Variants in COL25A1 observed in about 807,000 individuals in gnomAD.
COL25A1 encodes collagen type XXV alpha 1 chain.
A neutral mutation model predicts 128.4 loss-of-function variants in COL25A1; 103 were observed. The ratio of observed to expected loss-of-function variants is 0.80; its 90% confidence interval spans 0.68 to 0.94. The LOEUF is 0.94. COL25A1 is among the 40% of genes least tolerant of loss of function. The pLI, the probability that COL25A1 is intolerant of heterozygous loss-of-function variation, is 0.00. For missense variants in COL25A1, 745 were observed against 840.0 expected (o/e 0.89, Z 1.40); for synonymous variants, 279 against 277.2 (o/e 1.01, Z -0.06).
intron 33 of COL25A1, among the ~76,000 whole-genome samples, chr4:108,826,536 T>A (rs1252323186): frequency 6.6e-6 from 1 of 152,062 alleles, no homozygotes; most frequent in Non-Finnish European, 1.5e-5. Flanking sequence ...AGACTCCATC[T>A]CAAATGATAA....
intron 3 of COL25A1, among the ~76,000 whole-genome samples, chr4:109,078,453 C>T (rs939500630): frequency 1.3e-5 from 2 of 152,116 alleles, no homozygotes; most frequent in East Asian, 1.9e-4. Context: ...TGACATATAG[C>T]ATTTGCATCA....
rs117908496 is a variant in COL25A1, at chr4:109,200,514, A to C, written c.367+100069T>G. Reference sequence around the variant, plus strand: ...TCTCGGTCGCCCAGGCTGGAATGCAATGGCACAATTTTGGTTCTCTGCAAC... The same window carrying C: ...TCTCGGTCGCCCAGGCTGGAATGCACTGGCACAATTTTGGTTCTCTGCAAC... On this transcript the variant is annotated intron_variant, in intron 3 of 37. Transcript: ENST00000399132. Among the ~76,000 whole-genome samples the C allele has an allele frequency of 8.5e-3, 1,287 of 152,126 alleles. 57 individuals are homozygous for C. In the South Asian group the frequency reaches 0.14, roughly 16 times the overall value.
intron 3 of COL25A1, among the ~76,000 whole-genome samples, chr4:109,279,590 A>G (rs1723173828): frequency 6.6e-6 from 1 of 152,194 alleles, no homozygotes; most frequent in Non-Finnish European, 1.5e-5. Flanking sequence ...AATCAATTAA[A>G]ACAAAAAATA....
intron 3 of COL25A1, among the ~76,000 whole-genome samples, chr4:109,184,857 C>G (rs1031765714): frequency 1.3e-5 from 2 of 152,144 alleles, no homozygotes; most frequent in African/African-American, 2.4e-5. Flanking sequence ...TGTGAGGAAA[C>G]TCATTCCTTA....
At chr4:109,088,382 T>G (rs567519341) in intron 3 of COL25A1, among the ~76,000 whole-genome samples, 107 of 152,326 alleles carry the variant, frequency 7.0e-4, no homozygotes, top group African/African-American at 2.5e-3. Context: ...CTGAGATCTT[T>G]TGTTTTGTTT....
chr4:109,177,103 T>C (rs1344608196), intron 3 of COL25A1, among the ~76,000 whole-genome samples: 2 of 152,206 alleles, frequency 1.3e-5, no homozygotes, highest in Non-Finnish European at 2.9e-5. Context: ...CAGGAAGGAA[T>C]ATGCAAACAC....
chr4:109,266,269 G>T (rs533680547), intron 3 of COL25A1, among the ~76,000 whole-genome samples: 1 of 152,288 alleles, frequency 6.6e-6, no homozygotes, highest in South Asian at 2.1e-4. Context: ...TCAGAATAAT[G>T]AATGTCAGCT....
At chr4:108,935,850 A>C (rs975170639) in intron 11 of COL25A1, among the ~76,000 whole-genome samples, 1 of 152,190 alleles carries the variant, frequency 6.6e-6, no homozygotes, top group African/African-American at 2.4e-5. Context: ...GTAGAAGATA[A>C]GAATTTTTAA....
intron 3 of COL25A1, among the ~76,000 whole-genome samples, chr4:109,084,472 T>C (rs1469883211): frequency 4.6e-5 from 7 of 152,228 alleles, no homozygotes; most frequent in East Asian, 1.9e-4. Flanking sequence ...CACTTTTCAC[T>C]GCAAATTCAC....
intron 23 of COL25A1, 124 bp downstream of exon 23, chr4:108,860,803 G>T: frequency 1.2e-6 from 1 of 826,506 alleles, no homozygotes; most frequent in Non-Finnish European, 2.0e-6. Context: ...AATTACAGTA[G>T]TCTACCTCCA....
At chr4:108,955,372 G>A (rs1749952555) in intron 8 of COL25A1, among the ~76,000 whole-genome samples, 2 of 151,870 alleles carry the variant, frequency 1.3e-5, no homozygotes, top group Admixed American at 6.6e-5. Flanking sequence ...GGCACAAAAC[G>A]AATTTGACTA....
intron 3 of COL25A1, among the ~76,000 whole-genome samples, chr4:109,176,460 T>G (rs984722460): frequency 6.6e-6 from 1 of 152,140 alleles, no homozygotes; most frequent in East Asian, 1.9e-4. Flanking sequence ...AGAACACTGA[T>G]AATTGATTAT....
intron 3 of COL25A1, among the ~76,000 whole-genome samples, chr4:109,167,169 C>T (rs899664886): frequency 2.6e-5 from 4 of 152,144 alleles, no homozygotes; most frequent in African/African-American, 9.7e-5. Flanking sequence ...ATTTGTATAA[C>T]ATCTTAAGTA....
At chr4:108,977,152 C>A (rs1398363557) in intron 6 of COL25A1, among the ~76,000 whole-genome samples, 1 of 152,102 alleles carries the variant, frequency 6.6e-6, no homozygotes, top group African/African-American at 2.4e-5. Context: ...ATCTAAAATG[C>A]CTCCCTAGTG....
At chr4:108,933,029 T>C (rs1459380850) in intron 11 of COL25A1, among the ~76,000 whole-genome samples, 2 of 152,244 alleles carry the variant, frequency 1.3e-5, no homozygotes, top group African/African-American at 4.8e-5. Context: ...ACAGAATAGA[T>C]GCATGGCAGG....
At chr4:109,164,691 G>A (rs1772902823) in intron 3 of COL25A1, among the ~76,000 whole-genome samples, 1 of 152,100 alleles carries the variant, frequency 6.6e-6, no homozygotes, top group Non-Finnish European at 1.5e-5. Context: ...TAAAAGGATA[G>A]GACCAAATAA....
rs1035346780 is a variant in COL25A1 at position 108,880,563 on chromosome 4, G to A, written c.1020+3615C>T. 3.3e-5 allele frequency among the ~76,000 whole-genome samples: 5 copies of A among 152,284 alleles called. No individual in the cohort carries two copies. The East Asian group carries it at 7.7e-4, about 23-fold the overall frequency. ...GATAACAATAATCAAAACCGACACA[G>A]CATTTACTACATGCTTGGCAATATT... On this transcript the variant is annotated intron_variant, in intron 19 of 37. Transcript: ENST00000399132.
At chr4:109,189,958 A>C (rs1307449232) in intron 3 of COL25A1, among the ~76,000 whole-genome samples, 1 of 152,174 alleles carries the variant, frequency 6.6e-6, no homozygotes, top group Non-Finnish European at 1.5e-5. Flanking sequence ...TATGTTTCCA[A>C]ATATTAATTT....
intron 3 of COL25A1, among the ~76,000 whole-genome samples, chr4:109,088,056 T>G (rs1378754036): frequency 6.7e-6 from 1 of 150,070 alleles, no homozygotes; most frequent in Non-Finnish European, 1.5e-5. Flanking sequence ...TATATATATT[T>G]TATATATATA....
Sources: gnomAD v4.1 joint callset for allele counts (sites outside exome capture counted in the v4.1 genomes callset) on GRCh38, gnomAD v4.1.1 for gene constraint, MANE v1.5 for transcripts, NCBI Gene and HGNC (gene_info 2026-07-23, HGNC 2026-07-21) for gene names.